The following SPAG16 variants were observed in gnomAD, a reference collection of about 807,000 sequenced individuals.
The protein encoded by SPAG16 is sperm associated antigen 16.
SPAG16 carries 86 observed loss-of-function variants against 80.4 expected under a neutral mutation model. The observed-to-expected ratio is 1.07, with a 90% CI of 0.90 to 1.28. The LOEUF (loss-of-function observed/expected upper bound fraction) is 1.28. Ranked by LOEUF, SPAG16 falls within the 50% of genes most tolerant of loss-of-function variation. The pLI, the probability that SPAG16 is intolerant of heterozygous loss-of-function variation, is 0.00. For synonymous variants in SPAG16, 294 were observed against 265.9 expected (o/e 1.11, Z -1.03); for missense variants, 870 against 765.3 (o/e 1.14, Z -1.61).
intron 15 of SPAG16, among the ~76,000 whole-genome samples, chr2:214,217,162 A>C (rs577239559): frequency 1.3e-5 from 2 of 152,374 alleles, no homozygotes; most frequent in East Asian, 3.9e-4. Flanking sequence ...AACATTTTAG[A>C]TATAAAAAGA....
intron 10 of SPAG16, among the ~76,000 whole-genome samples, chr2:213,741,425 C>G (rs964525509): frequency 3.3e-5 from 5 of 151,928 alleles, no homozygotes; most frequent in Non-Finnish European, 4.4e-5. Context: ...AAACCAGAAG[C>G]AAATATCTGT....
intron 13 of SPAG16, among the ~76,000 whole-genome samples, chr2:214,039,092 G>T (rs1287581376): frequency 6.6e-6 from 1 of 152,088 alleles, no homozygotes; most frequent in Non-Finnish European, 1.5e-5. Flanking sequence ...GGTATTTCTA[G>T]TTCTAGATCC....
chr2:213,985,929 A>G (rs574691199), intron 12 of SPAG16, among the ~76,000 whole-genome samples: 9 of 152,212 alleles, frequency 5.9e-5, no homozygotes, highest in African/African-American at 2.2e-4. Context: ...GCTATATTCT[A>G]TGTCATGGAT....
intron 10 of SPAG16, among the ~76,000 whole-genome samples, chr2:213,718,572 C>T (rs974772505): frequency 3.9e-5 from 6 of 152,208 alleles, no homozygotes; most frequent in African/African-American, 1.4e-4. Context: ...GCTTGGTGGG[C>T]CCCGCACTGG....
chr2:214,242,347 G>T (rs1160351740), intron 15 of SPAG16, among the ~76,000 whole-genome samples: 1 of 152,160 alleles, frequency 6.6e-6, no homozygotes, highest in East Asian at 1.9e-4. Flanking sequence ...ACACCGCAGA[G>T]ATGGCCCAGT....
In SPAG16 at chr2:213,340,283, T is replaced by A; in HGVS notation, c.644+13T>A. 1 of 1,496,264 alleles carries A rather than the reference T, an allele frequency of 6.7e-7. No homozygotes were observed. Among genetic ancestry groups the A allele is most frequent in the Non-Finnish European group, 9.2e-7 (1 of 1,084,612 alleles). 92.7% of individuals were successfully genotyped at this position (1,496,264 alleles called of 1,614,324 possible). A position where few individuals can be genotyped will look rare whatever the true frequency, so the allele number is the denominator to read the frequency against. On this transcript the variant is annotated intron_variant, in intron 6 of 15. Transcript: ENST00000331683. ...ATGACCTCAAAGGGTAAGCTTATAC[T>A]TGTTGGCATATTTATTAAAGAGTTA...
intron 9 of SPAG16, among the ~76,000 whole-genome samples, chr2:213,473,481 T>A (rs2073200444): frequency 6.6e-6 from 1 of 152,198 alleles, no homozygotes; most frequent in Admixed American, 6.5e-5. Flanking sequence ...CTGGACCCTC[T>A]CAGCTAGGAT....
intron 13 of SPAG16, among the ~76,000 whole-genome samples, chr2:214,044,352 C>T (rs550599841): frequency 1.4e-4 from 22 of 152,126 alleles, no homozygotes; most frequent in Non-Finnish European, 2.2e-4. Flanking sequence ...TTTCTGCTAC[C>T]GTGCTGTGGT....
chr2:213,896,233 A>G (rs948791696), intron 11 of SPAG16, among the ~76,000 whole-genome samples: 4 of 152,094 alleles, frequency 2.6e-5, no homozygotes, highest in Non-Finnish European at 4.4e-5. Flanking sequence ...ACAAATCAAA[A>G]CTATAATATA....
At chr2:213,375,342 C>G (rs768068139) in intron 9 of SPAG16, 1 of 348,150 alleles carries the variant, frequency 2.9e-6, no homozygotes, top group Non-Finnish European at 5.3e-6. Context: ...CAGTGGATCA[C>G]TCTGCCACCT....
chr2:213,562,143 A>C (rs1157086022), intron 10 of SPAG16, among the ~76,000 whole-genome samples: 1 of 152,230 alleles, frequency 6.6e-6, no homozygotes, highest in African/African-American at 2.4e-5. Context: ...TTTTCTGCAA[A>C]TAGAAGACAT....
intron 9 of SPAG16, among the ~76,000 whole-genome samples, chr2:213,472,523 A>T (rs1448045930): frequency 6.6e-6 from 1 of 152,098 alleles, no homozygotes; most frequent in Non-Finnish European, 1.5e-5. Flanking sequence ...CCCTCCAGGG[A>T]TATGGTATTG....
At chr2:213,920,201 A>T (rs866873186) in intron 11 of SPAG16, among the ~76,000 whole-genome samples, 1 of 152,080 alleles carries the variant, frequency 6.6e-6, no homozygotes, top group Non-Finnish European at 1.5e-5. Context: ...AGGTCTCTTG[A>T]AGACAGCATA....
chr2:213,703,258 G>T (rs566965310), intron 10 of SPAG16, among the ~76,000 whole-genome samples: 1 of 152,280 alleles, frequency 6.6e-6, no homozygotes, highest in South Asian at 2.1e-4. Context: ...GCACAACCTA[G>T]ACTGTCTTGA....
intron 15 of SPAG16, among the ~76,000 whole-genome samples, chr2:214,289,978 A>T (rs1693672283): frequency 6.6e-6 from 1 of 152,126 alleles, no homozygotes; most frequent in South Asian, 2.1e-4. Flanking sequence ...TTTTTTGAAT[A>T]CTTTCAGGAG....
At chr2:213,645,216 T>C (rs2062777353) in intron 10 of SPAG16, among the ~76,000 whole-genome samples, 1 of 152,124 alleles carries the variant, frequency 6.6e-6, no homozygotes, top group African/African-American at 2.4e-5. Context: ...CTGTGGTGAA[T>C]GAGGAACTGG....
intron 9 of SPAG16, among the ~76,000 whole-genome samples, chr2:213,432,918 C>T (rs983529031): frequency 2.0e-5 from 3 of 152,156 alleles, no homozygotes; most frequent in Middle Eastern, 3.4e-3. Flanking sequence ...CAAGTGGTTC[C>T]CCCACTGCCA....
chr2:214,068,432 C>A (rs2050631241), intron 13 of SPAG16, among the ~76,000 whole-genome samples: 1 of 152,018 alleles, frequency 6.6e-6, no homozygotes, highest in Admixed American at 6.6e-5. Context: ...CCCTAATTTG[C>A]CCAAGTTTTA....
At chr2:214,397,777 T>C (rs970574054) in intron 15 of SPAG16, among the ~76,000 whole-genome samples, 1 of 152,202 alleles carries the variant, frequency 6.6e-6, no homozygotes, top group Non-Finnish European at 1.5e-5. Flanking sequence ...ACAATGTGGC[T>C]TATTATTTCT....
Sources: allele counts gnomAD v4.1 joint callset (sites outside exome capture counted in the v4.1 genomes callset), GRCh38; gene constraint gnomAD v4.1.1; transcripts MANE v1.5; gene names NCBI Gene and HGNC (gene_info 2026-07-23, HGNC 2026-07-21).